Variants in CAB39L observed in about 807,000 individuals in gnomAD.
The protein encoded by CAB39L is calcium-binding protein 39-like.
CAB39L carries 23 observed loss-of-function variants against 39.1 expected under a neutral mutation model. The observed-to-expected ratio is 0.59, with a 90% confidence interval of 0.42 to 0.83. The LOEUF (loss-of-function observed/expected upper bound fraction) is 0.83. CAB39L is among the 40% of genes least tolerant of loss of function. The pLI is 0.00. For missense variants in CAB39L, 366 were observed against 391.9 expected (o/e 0.93, Z 0.56); for synonymous variants, 126 against 137.2 (o/e 0.92, Z 0.57).
rs56829661 is a variant in CAB39L at position 49,351,176 on chromosome 13, A to G, written c.396-264T>C. 1.4e-3 allele frequency: 430 copies of G among 303,428 alleles called. 1 individual carries two copies. Among genetic ancestry groups the G allele is most frequent in the African/African-American group, 8.7e-3 (401 of 46,182 alleles). The allele number at this position is 303,428 out of a possible 1,614,324, so 18.8% of individuals were successfully genotyped here. On this transcript the variant is annotated intron_variant, in intron 6 of 10. Transcript: ENST00000409308. Reference sequence around the variant, plus strand: ...GGGGTGGGGGGATGAGGCAGAATGTAAACAATGAAAAGATAATTTCATACA... The same window carrying G: ...GGGGTGGGGGGATGAGGCAGAATGTGAACAATGAAAAGATAATTTCATACA...
intron 8 of CAB39L, among the ~76,000 whole-genome samples, chr13:49,343,868 T>G (rs1366220953): frequency 1.3e-5 from 2 of 152,088 alleles, no homozygotes. Context: ...TTAGTGAGGG[T>G]GGGGTTCTCT....
chr13:49,327,452 C>T (rs1472804486), intron 10 of CAB39L, among the ~76,000 whole-genome samples: 4 of 151,694 alleles, frequency 2.6e-5, no homozygotes, highest in Admixed American at 6.6e-5. Flanking sequence ...TACAGGCATG[C>T]ACCACCACAC....
At chr13:49,439,921 G>GTTTTTTTTTGTTTTTTT (rs1957479341) in intron 1 of CAB39L, among the ~76,000 whole-genome samples, 1 of 78,540 alleles carries the variant, frequency 1.3e-5, no homozygotes, top group African/African-American at 4.7e-5. Flanking sequence ...TTTTTAATGG[G>GTTTTTTTTTGTTTTTTT]TTTTTTTTTT....
At chr13:49,359,906 A>C in intron 5 of CAB39L, 74 bp from the exon 6 acceptor site, 1 of 770,354 alleles carries the variant, frequency 1.3e-6, no homozygotes, top group Non-Finnish European at 2.2e-6. Context: ...GAATATATAC[A>C]TATATATATA....
chr13:49,383,000 TA>T, intron 3 of CAB39L, 59 bp from the exon 4 acceptor site: 2 of 656,010 alleles, frequency 3.0e-6, no homozygotes, highest in Non-Finnish European at 5.2e-6. Flanking sequence ...CTTAAATTTT[TA>T]TACCAATGTC....
chr13:49,376,331 G>A (rs1956057697), intron 5 of CAB39L, among the ~76,000 whole-genome samples: 1 of 152,100 alleles, frequency 6.6e-6, no homozygotes, highest in Non-Finnish European at 1.5e-5. Context: ...ATTTCTCACT[G>A]AAAAATCACC....
chr13:49,413,074 T>G (rs1466130038), intron 3 of CAB39L: 1 of 152,016 alleles, frequency 6.6e-6, no homozygotes, highest in Non-Finnish European at 1.5e-5. Flanking sequence ...TGATAAAAGA[T>G]CTGTCTTCAA....
At chr13:49,385,067 G>T (rs1313252195) in intron 3 of CAB39L, among the ~76,000 whole-genome samples, 1 of 152,196 alleles carries the variant, frequency 6.6e-6, no homozygotes, top group African/African-American at 2.4e-5. Flanking sequence ...GAAAATCCTA[G>T]ATGGCATCTT....
chr13:49,393,017 A>T (rs577617828), intron 3 of CAB39L: 1 of 152,268 alleles, frequency 6.6e-6, no homozygotes, highest in African/African-American at 2.4e-5. Context: ...ACTTACTAAA[A>T]GGAGGTATAA....
chr13:49,430,606 T>A (rs1957306465), intron 3 of CAB39L, among the ~76,000 whole-genome samples: 1 of 152,220 alleles, frequency 6.6e-6, no homozygotes, highest in Admixed American at 6.5e-5. Context: ...CTTCCTGTGC[T>A]TGTTATGTGG....
intron 3 of CAB39L, among the ~76,000 whole-genome samples, chr13:49,406,899 T>G (rs1162306346): frequency 6.6e-6 from 1 of 152,222 alleles, no homozygotes; most frequent in Non-Finnish European, 1.5e-5. Context: ...GAATGAAGTT[T>G]AAAGAATTCT....
At chr13:49,436,997 C>T (rs1001475477) in intron 1 of CAB39L, among the ~76,000 whole-genome samples, 26 of 152,268 alleles carry the variant, frequency 1.7e-4, no homozygotes, top group Admixed American at 1.3e-3. Flanking sequence ...GCTCGAACTC[C>T]TGGGCTCAAG....
intron 6 of CAB39L, among the ~76,000 whole-genome samples, chr13:49,355,663 G>A (rs2138486114): frequency 6.6e-6 from 1 of 151,860 alleles, no homozygotes; most frequent in South Asian, 2.1e-4. Flanking sequence ...GGCCAATTGA[G>A]CATTAAAAAA....
At chr13:49,375,709 T>A (rs1191626288) in intron 5 of CAB39L, among the ~76,000 whole-genome samples, 1 of 151,354 alleles carries the variant, frequency 6.6e-6, no homozygotes, top group African/African-American at 2.4e-5. Flanking sequence ...GACGAGTTAA[T>A]GGGTACAGCA....
In CAB39L at chr13:49,357,014, A is replaced by C. The variant is rs1367854909; in HGVS notation, c.395+2700T>G. Among the ~76,000 whole-genome samples, 3 of 148,616 alleles carry C rather than the reference A, an allele frequency of 2.0e-5. No homozygotes were observed. The East Asian group carries it at 5.9e-4, about 29-fold the overall frequency. Reference sequence around the variant, plus strand: ...CAGTGAGCCGAGATCACGCCACTGCACTCCAGCCTGGGCGACAGAGCGAGA... The same window carrying C: ...CAGTGAGCCGAGATCACGCCACTGCCCTCCAGCCTGGGCGACAGAGCGAGA... On this transcript the variant is annotated intron_variant, in intron 6 of 10. Transcript: ENST00000409308.
At chr13:49,442,817 AAAC>A (rs1408815679) in intron 1 of CAB39L, among the ~76,000 whole-genome samples, 17 of 147,780 alleles carry the variant, frequency 1.2e-4, no homozygotes, top group African/African-American at 2.6e-4. Context: ...AAAAAAAAAA[AAAC>A]ATCAATTATT....
At chr13:49,432,507 G>T (rs1441804099) in intron 3 of CAB39L, among the ~76,000 whole-genome samples, 1 of 152,080 alleles carries the variant, frequency 6.6e-6, no homozygotes, top group Non-Finnish European at 1.5e-5. Context: ...TCAGTTGTTT[G>T]CTGTTTCTGC....
intron 3 of CAB39L, among the ~76,000 whole-genome samples, chr13:49,384,161 T>G (rs973076453): frequency 6.6e-6 from 1 of 152,230 alleles, no homozygotes; most frequent in Non-Finnish European, 1.5e-5. Flanking sequence ...TCAGCTAAAT[T>G]TATGTAATAT....
At chr13:49,348,653 C>T (rs1955249854) in intron 7 of CAB39L, among the ~76,000 whole-genome samples, 1 of 152,194 alleles carries the variant, frequency 6.6e-6, no homozygotes, top group Admixed American at 6.5e-5. Context: ...GCCCTGGAAT[C>T]CACCCCCAGC....
Sources: allele counts gnomAD v4.1 joint callset (sites outside exome capture counted in the v4.1 genomes callset), GRCh38; gene constraint gnomAD v4.1.1; transcripts MANE v1.5; gene names NCBI Gene and HGNC (gene_info 2026-07-23, HGNC 2026-07-21).